Variants in BRIP1 observed in about 807,000 individuals in gnomAD.
BRIP1 encodes the protein BRCA1 interacting DNA helicase 1.
A neutral mutation model predicts 119.7 loss-of-function variants in BRIP1; 88 were observed. The observed-to-expected ratio is 0.74, with a 90% CI of 0.62 to 0.88. The LOEUF is 0.88. BRIP1 is among the 40% of genes least tolerant of loss of function. The pLI, the probability that BRIP1 is intolerant of heterozygous loss-of-function variation, is 0.00. For synonymous variants in BRIP1, 443 were observed against 496.5 expected, an observed-to-expected ratio of 0.89 and a Z score of 1.43; for missense variants, 1,259 against 1,455.4, an observed-to-expected ratio of 0.87 and a Z score of 2.20.
At chr17:61,771,095 A>G (rs72842987) in intron 14 of BRIP1, among the ~76,000 whole-genome samples, 12,796 of 152,316 alleles carry the variant, frequency 0.084, 690 homozygotes, top group South Asian at 0.24. Context: ...AGCCATAAAA[A>G]GGAATAAAGT....
At chr17:61,785,154 T>C (rs1459481787) in intron 10 of BRIP1, among the ~76,000 whole-genome samples, 2 of 152,352 alleles carry the variant, frequency 1.3e-5, no homozygotes, top group South Asian at 2.1e-4. Context: ...AGAGTTGATA[T>C]GTTGCCTTAA....
intron 8 of BRIP1, 130 bp downstream of exon 8, chr17:61,801,123 C>CT: frequency 1.2e-6 from 1 of 816,260 alleles, no homozygotes; most frequent in South Asian, 1.6e-5. Flanking sequence ...TTTCAGTACT[C>CT]TAATATGTTT....
rs2078006809 is a variant in BRIP1 at position 61,802,206 on chromosome 17, G to T, written c.919-732C>A. 6.6e-6 allele frequency among the ~76,000 whole-genome samples: 1 copy of T among 152,092 alleles called. No homozygotes were observed. The highest frequency in any genetic ancestry group is 2.4e-5 in the African/African-American group (1 of 41,408). On this transcript the variant is annotated intron_variant, in intron 7 of 19. Coordinates refer to ENST00000259008, the MANE Select transcript of BRIP1 (RefSeq NM_032043.3). The surrounding 1 kb of genome is among the most constrained non-coding windows in gnomAD (Gnocchi z 6.0). The stretch of plus-strand genomic sequence containing the variant: ...AAGAACAAGCAAGGCACGATGACAG[G>T]TGTGAGCACTTTGGGAGGCTTAGGC...
chr17:61,721,272 T>A (rs1404662791), intron 16 of BRIP1, among the ~76,000 whole-genome samples: 1 of 148,956 alleles, frequency 6.7e-6, no homozygotes, highest in Non-Finnish European at 1.5e-5. Context: ...CTAAGCTTTT[T>A]TTTTTTTTTT....
At position 61,695,119 on chromosome 17, in the gene BRIP1, C is replaced by A. The variant is rs771785903; in HGVS notation, c.2493-1607G>T. 2.0e-5 allele frequency among the ~76,000 whole-genome samples: 3 copies of A among 151,912 alleles called. No individual in the cohort carries two copies. The highest frequency in any genetic ancestry group is 6.6e-5 in the Admixed American group (1 of 15,232). ...TAATACAAGGTCAAGAAAATTTATA[C>A]CTCTGTTTTTGCCTTTTTCTGTCTT... On this transcript the variant is annotated intron_variant, in intron 17 of 19. Coordinates refer to ENST00000259008, the MANE Select transcript of BRIP1 (RefSeq NM_032043.3). The surrounding 1 kb of genome is among the most constrained non-coding windows in gnomAD (Gnocchi z 4.3).
At chr17:61,711,706 A>T (rs574134473) in intron 17 of BRIP1, among the ~76,000 whole-genome samples, 1 of 152,144 alleles carries the variant, frequency 6.6e-6, no homozygotes, top group South Asian at 2.1e-4. Context: ...CGTCTCTACT[A>T]AAAATACAAA....
rs182327790 is a variant in BRIP1 at position 61,717,141 on chromosome 17, C to T, written c.2380-1078G>A. Among the ~76,000 whole-genome samples the T allele has an allele frequency of 6.4e-4, 97 of 152,042 alleles. No individual in the cohort carries two copies. Among genetic ancestry groups the T allele is most frequent in the African/African-American group, 2.3e-3 (94 of 41,532 alleles). On this transcript the variant is annotated intron_variant, in intron 16 of 19. Coordinates refer to ENST00000259008, the MANE Select transcript of BRIP1 (RefSeq NM_032043.3). The surrounding 1 kb of genome is among the most constrained non-coding windows in gnomAD (Gnocchi z 4.1). ...AAGTTCCAAAGATAGTACAGAGATTCCTTATACCCTTTACCCAATTTCCCC... is the reference window on the plus strand; with the variant it reads ...AAGTTCCAAAGATAGTACAGAGATTTCTTATACCCTTTACCCAATTTCCCC...
rs760904193 is a variant in BRIP1 at position 61,701,985 on chromosome 17, A to T, written c.2493-8473T>A. Among the ~76,000 whole-genome samples, 26 of 152,212 alleles carry T rather than the reference A, an allele frequency of 1.7e-4. No individual in the cohort carries two copies. Among genetic ancestry groups the T allele is most frequent in the Non-Finnish European group, 2.8e-4 (19 of 68,040 alleles). On this transcript the variant is annotated intron_variant, in intron 17 of 19. Coordinates refer to ENST00000259008, the MANE Select transcript of BRIP1 (RefSeq NM_032043.3). This position sits in a 1 kb window ranked among gnomAD's most constrained non-coding sequence, Gnocchi z 5.1. ...TGAACTTGGAGAGAGGTGAGAACAG[A>T]GCAAGTTAAAATACCACAAAGCTTA...
intron 10 of BRIP1, among the ~76,000 whole-genome samples, chr17:61,785,935 G>T (rs530625970): frequency 1.3e-5 from 2 of 151,310 alleles, no homozygotes; most frequent in African/African-American, 4.8e-5. Flanking sequence ...GGTTGGGGGG[G>T]GTAGAAAAAT....
At chr17:61,688,002 C>T (rs1442103990) in intron 18 of BRIP1, among the ~76,000 whole-genome samples, 1 of 152,206 alleles carries the variant, frequency 6.6e-6, no homozygotes, top group Non-Finnish European at 1.5e-5. Context: ...TCCACAGGAA[C>T]CACAGTGCAA....
At chr17:61,721,544 C>T (rs1393550425) in intron 16 of BRIP1, among the ~76,000 whole-genome samples, 1 of 152,062 alleles carries the variant, frequency 6.6e-6, no homozygotes, top group Non-Finnish European at 1.5e-5. Context: ...GCTGGGATTA[C>T]GGGCGTGAGC....
In BRIP1 at chr17:61,740,755, T is replaced by C. The variant is rs1317587405; in HGVS notation, c.2379+2258A>G. 1.3e-5 allele frequency among the ~76,000 whole-genome samples: 2 copies of C among 152,180 alleles called. No homozygotes were observed. The highest frequency in any genetic ancestry group is 6.5e-5 in the Admixed American group (1 of 15,274). On this transcript the variant is annotated intron_variant, in intron 16 of 19. Coordinates refer to ENST00000259008, the MANE Select transcript of BRIP1 (RefSeq NM_032043.3). The surrounding 1 kb of genome is among the most constrained non-coding windows in gnomAD (Gnocchi z 5.4). ...CAAAAGCCAATGTATATACCTTAAC[T>C]TGAAAATATTTTATTGCTAAAAAAG...
rs2078034968 is a variant in BRIP1, at chr17:61,804,018, A to G, written c.919-2544T>C. The stretch of plus-strand genomic sequence containing the variant: ...GAGAAAAACATGTTGAATAACGTGT[A>G]TAGAATGATTAAATTCATGTAAATT... On this transcript the variant is annotated intron_variant, in intron 7 of 19. Transcript: ENST00000259008. The surrounding 1 kb of genome is among the most constrained non-coding windows in gnomAD (Gnocchi z 4.5). Among the ~76,000 whole-genome samples the G allele has an allele frequency of 6.6e-6, 1 of 152,202 alleles. No homozygotes were observed. Among genetic ancestry groups the G allele is most frequent in the African/African-American group, 2.4e-5 (1 of 41,470 alleles).
rs59441826 is a variant in BRIP1 at position 61,759,005 on chromosome 17, CATAAATAAATAA to C, written c.2098-14426_2098-14415del. ...CCTGGGTGACAGAGCAAGACCCTGT[CATAAATAAATAA>C]ATAAATAAATAAATAAATAAATAAA... On this transcript the variant is annotated intron_variant, in intron 14 of 19. Transcript: ENST00000259008. The surrounding 1 kb of genome is among the most constrained non-coding windows in gnomAD (Gnocchi z 4.9). Among the ~76,000 whole-genome samples the C allele has an allele frequency of 1.6e-4, 22 of 137,070 alleles. No individual in the cohort carries two copies. Among genetic ancestry groups the C allele is most frequent in the East Asian group, 6.4e-4 (3 of 4,724 alleles). The allele number at this position is 137,070 out of a possible 152,430, so 89.9% of individuals were successfully genotyped here. A position where few individuals can be genotyped will look rare whatever the true frequency, so the allele number is the denominator to read the frequency against.
In BRIP1 at chr17:61,830,018, C is replaced by T. The variant is rs144421681; in HGVS notation, c.627+17083G>A. ...CACGATCTCAGCTCACTGCAGGCTC[C>T]GCCTCCTGGGTTCAAGCAATTCTCC... On this transcript the variant is annotated intron_variant, in intron 6 of 19. Coordinates refer to ENST00000259008, the MANE Select transcript of BRIP1 (RefSeq NM_032043.3). Among the ~76,000 whole-genome samples, 128 of 151,858 alleles carry T rather than the reference C, an allele frequency of 8.4e-4. 1 individual carries two copies. The East Asian group carries it at 0.022, about 26-fold the overall frequency.
rs1307037430 is a variant in BRIP1, at chr17:61,804,275, C to T, written c.919-2801G>A. ...TGGGCCACTTTTATTTTAATTAATT[C>T]TACTATTTATTTTAAAACGATTTTG... On this transcript the variant is annotated intron_variant, in intron 7 of 19. Transcript: ENST00000259008. This position sits in a 1 kb window ranked among gnomAD's most constrained non-coding sequence, Gnocchi z 4.5. Among the ~76,000 whole-genome samples, 1 of 151,930 alleles carries T rather than the reference C, an allele frequency of 6.6e-6. No individual in the cohort carries two copies. The highest frequency in any genetic ancestry group is 2.4e-5 in the African/African-American group (1 of 41,374).
At position 61,745,369 on chromosome 17, in the gene BRIP1, C is replaced by CTTGA. The variant is rs796720924; in HGVS notation, c.2098-782_2098-779dup. ...AGTCAAGCCCAAAACAAAAACTCATCTTGATTGATTGATTGATTTTAGAGA... is the reference window on the plus strand; with the variant it reads ...AGTCAAGCCCAAAACAAAAACTCATCTTGATTGATTGATTGATTGATTTTAGAGA... On this transcript the variant is annotated intron_variant, in intron 14 of 19. Transcript: ENST00000259008. The surrounding 1 kb of genome is among the most constrained non-coding windows in gnomAD (Gnocchi z 4.4). Among the ~76,000 whole-genome samples the CTTGA allele has an allele frequency of 6.6e-6, 1 of 152,084 alleles. No individual in the cohort carries two copies. Among genetic ancestry groups the CTTGA allele is most frequent in the African/African-American group, 2.4e-5 (1 of 41,420 alleles).
rs2078691483 is a variant in BRIP1, at chr17:61,843,858, A to ATG, written c.627+3241_627+3242dup. ...GCTTGGCTGTAGTAATAATTTCACT[A>ATG]TGTATATATATATTAAAACATCATG... On this transcript the variant is annotated intron_variant, in intron 6 of 19. Coordinates refer to ENST00000259008, the MANE Select transcript of BRIP1 (RefSeq NM_032043.3). The surrounding 1 kb of genome is among the most constrained non-coding windows in gnomAD (Gnocchi z 5.7). Among the ~76,000 whole-genome samples the ATG allele has an allele frequency of 6.6e-6, 1 of 152,092 alleles. No individual in the cohort carries two copies. The highest frequency in any genetic ancestry group is 6.6e-5 in the Admixed American group (1 of 15,264).
chr17:61,686,780 A>G lies in BRIP1; in HGVS notation c.2576-615T>C, dbSNP rs1488792906. On this transcript the variant is annotated intron_variant, in intron 18 of 19. Coordinates refer to ENST00000259008, the MANE Select transcript of BRIP1 (RefSeq NM_032043.3). This position sits in a 1 kb window ranked among gnomAD's most constrained non-coding sequence, Gnocchi z 5.4. ...TAAAGGATATGATTTGACCTGTGAC[A>G]TAAAAACTGCACAAAAATGAAACCT... Among the ~76,000 whole-genome samples, 3 of 152,172 alleles carry G rather than the reference A, an allele frequency of 2.0e-5. No homozygotes were observed. The highest frequency in any genetic ancestry group is 4.1e-4 in the South Asian group (2 of 4,838).
Sources: gnomAD v4.1 joint callset for allele counts (sites outside exome capture counted in the v4.1 genomes callset) on GRCh38, gnomAD v4.1.1 for gene constraint, Gnocchi (gnomAD v3.1) non-coding constraint, MANE v1.5 for transcripts, NCBI Gene and HGNC (gene_info 2026-07-23, HGNC 2026-07-21) for gene names.